The following JAG2 variants were observed in gnomAD, a reference collection of about 807,000 sequenced individuals.
JAG2 encodes the protein protein jagged-2.
In JAG2, 46 loss-of-function variants were observed where a neutral mutation model predicts 141.7. The ratio of observed to expected loss-of-function variants is 0.32; its 90% CI spans 0.26 to 0.42. The LOEUF (loss-of-function observed/expected upper bound fraction) is 0.42, where lower values mean the gene tolerates loss of function less well. Ranked by LOEUF, JAG2 falls within the 10% of genes least tolerant of loss-of-function variation. The pLI is 1.00. For synonymous variants in JAG2, 862 were observed against 763.5 expected (o/e 1.13, Z -2.13); for missense variants, 1,500 against 1,817.5 (o/e 0.83, Z 3.18).
In JAG2 at chr14:105,154,161, G is replaced by T. The variant is rs1164356776; in HGVS notation, c.788+1401C>A. Among the ~76,000 whole-genome samples the T allele has an allele frequency of 1.3e-5, 2 of 152,266 alleles. No individual in the cohort carries two copies. On this transcript the variant is annotated intron_variant, in intron 5 of 25. Transcript: ENST00000331782. This position sits in a 1 kb window ranked among gnomAD's most constrained non-coding sequence, Gnocchi z 4.4. ...CCCACCTTGGCTCCCAACTCAGCTG[G>T]TTCCCAAACTCCCCGACTCCTCTCC...
rs1888215479 is a variant in JAG2 at position 105,146,116 on chromosome 14, A to AC, written c.2710-144dup. ...GTCTGTGAGCCCCAGGGCCCAGCCC[A>AC]CCCCCTACCCAGGGCTCCCAGGGAG... On this transcript the variant is annotated intron_variant, in intron 22 of 25. Coordinates refer to ENST00000331782, the MANE Select transcript of JAG2 (RefSeq NM_002226.5). The AC allele has an allele frequency of 2.2e-6, 3 of 1,377,798 alleles. No homozygotes were observed. In the African/African-American group the frequency reaches 4.3e-5, roughly 20 times the overall value. The allele number at this position is 1,377,798 out of a possible 1,614,324, so 85.3% of individuals were successfully genotyped here. A position where few individuals can be genotyped will look rare whatever the true frequency, so the allele number is the denominator to read the frequency against.
rs751630444 is a variant in JAG2, at chr14:105,152,131, A to G, written c.919+30T>C. The G allele has an allele frequency of 9.9e-6, 16 of 1,613,392 alleles. 1 individual carries two copies. Among genetic ancestry groups the G allele is most frequent in the Non-Finnish European group, 1.4e-5 (16 of 1,180,006 alleles). ...CCCACAACCCACACTTCGATGGCAG[A>G]GCATTAGGCCTGCCGCCCCCTACCA... On this transcript the variant is annotated intron_variant, in intron 6 of 25. Transcript: ENST00000331782.
chr14:105,163,677 C>T (rs587604220), intron 2 of JAG2, among the ~76,000 whole-genome samples: 1 of 151,602 alleles, frequency 6.6e-6, no homozygotes, highest in South Asian at 2.1e-4. Context: ...AGTGACCTCA[C>T]TCAGATCTGG....
chr14:105,152,246 G>C lies in JAG2; in HGVS notation c.834C>G (p.Pro278=), dbSNP rs371312935. 8.9e-5 allele frequency: 143 copies of C among 1,613,370 alleles called. No homozygotes were observed. Among genetic ancestry groups the C allele is most frequent in the Middle Eastern group, 1.6e-4 (1 of 6,084 alleles). Residue 278 remains proline, a synonymous_variant, in exon 6 of 26, where the codon CCC becomes CCG. Transcript: ENST00000331782. ...WQGRFCDECV[P]YPGCVHGSCV... is the part of the protein sequence containing the mutation. ...AACTGCCATGCACGCAGCCGGGGTA[G>C]GGGACACACTCATCGCAGAACCTCC...
intron 3 of JAG2, 146 bp from the exon 4 acceptor site, chr14:105,156,135 G>A: frequency 9.3e-7 from 1 of 1,080,876 alleles, no homozygotes. Context: ...AGGGCCCCCG[G>A]CCAGGCTGCT....
Position 105,141,952 on chromosome 14 carries a change from G to C in JAG2, c.*743C>G, listed in dbSNP as rs2140966589. 6.5e-6 allele frequency: 1 copy of C among 152,826 alleles called. No homozygotes were observed. Among genetic ancestry groups the C allele is most frequent in the South Asian group, 2.1e-4 (1 of 4,836 alleles). 9.5% of individuals were successfully genotyped at this position (152,826 alleles called of 1,614,324 possible). A position where few individuals can be genotyped will look rare whatever the true frequency, so the allele number is the denominator to read the frequency against. ...CCAGGATGGGAGAACTGCGCAGCAG[G>C]AAGGGCACTTCTGAAAGCACAGTGG... On this transcript the variant is annotated 3_prime_UTR_variant, in exon 26 of 26. Transcript: ENST00000331782.
At chr14:105,145,588 C>A in intron 23 of JAG2, 143 bp downstream of exon 23, 1 of 1,116,242 alleles carries the variant, frequency 9.0e-7, no homozygotes, top group Non-Finnish European at 1.3e-6. Flanking sequence ...TCATCTGACC[C>A]CACAGGGCCA....
At chr14:105,143,387 G>C (rs1162578531) in intron 25 of JAG2, 95 bp downstream of exon 25, 11 of 1,448,846 alleles carry the variant, frequency 7.6e-6, no homozygotes, top group Non-Finnish European at 8.4e-6. Flanking sequence ...CTGTGTTCCT[G>C]GTGGCTGGCA....
At position 105,167,432 on chromosome 14, in the gene JAG2, C is replaced by T. The variant is rs1888950983; in HGVS notation, c.417+325G>A. On this transcript the variant is annotated intron_variant, in intron 2 of 25. Coordinates refer to ENST00000331782, the MANE Select transcript of JAG2 (RefSeq NM_002226.5). The surrounding 1 kb of genome is among the most constrained non-coding windows in gnomAD (Gnocchi z 4.8). Reference sequence around the variant, plus strand: ...ACATGCCACCGCGGCCTGCCCGGGACCGGGGCGCCTCGCCTCGCCTCCCCA... The same window carrying T: ...ACATGCCACCGCGGCCTGCCCGGGATCGGGGCGCCTCGCCTCGCCTCCCCA... Among the ~76,000 whole-genome samples the T allele has an allele frequency of 6.6e-6, 1 of 151,956 alleles. No homozygotes were observed. Among genetic ancestry groups the T allele is most frequent in the Admixed American group, 6.6e-5 (1 of 15,258 alleles).
chr14:105,145,223 G>T (rs1888187824), intron 23 of JAG2, among the ~76,000 whole-genome samples, 162 bp from the exon 24 acceptor site: 1 of 152,200 alleles, frequency 6.6e-6, no homozygotes, highest in Non-Finnish European at 1.5e-5. Context: ...CCACCCGGCT[G>T]TGCCCTATAC....
Position 105,147,383 on chromosome 14 carries a change from C to G in JAG2, c.2422G>C (p.Val808Leu), listed in dbSNP as rs757478096. 2.3e-5 allele frequency: 37 copies of G among 1,600,284 alleles called. No homozygotes were observed. In the South Asian group the frequency reaches 4.0e-4, roughly 17 times the overall value. ...GCACACTCGCAGCGGAACCAGTTGACGCCGTCAACACAGATGCCACCATTG... is the reference window on the plus strand; with the variant it reads ...GCACACTCGCAGCGGAACCAGTTGAGGCCGTCAACACAGATGCCACCATTG... Reference protein sequence around the residue: ...CYNGGICVDGVNWFRCECAPG... With the variant: ...CYNGGICVDGLNWFRCECAPG... Residue 808 changes from valine to leucine, a missense_variant, in exon 20 of 26, where the codon GTC (valine) becomes CTC (leucine). This residue lies in a region of JAG2 where 875 missense variants were observed against 1,202.2 expected (regional missense o/e 0.73). Transcript: ENST00000331782.
In JAG2 at chr14:105,142,466, T is replaced by A; in HGVS notation, c.*229A>T. On this transcript the variant is annotated 3_prime_UTR_variant, in exon 26 of 26. Transcript: ENST00000331782. ...TACAGCGAGTGCCACGCACGGAAAC[T>A]TTACAAAAATAGCAACTATCCGAGA... 3 of 553,858 alleles carry A rather than the reference T, an allele frequency of 5.4e-6. No homozygotes were observed. The highest frequency in any genetic ancestry group is 9.6e-6 in the Non-Finnish European group (3 of 312,152). The allele number at this position is 553,858 out of a possible 1,614,324, so 34.3% of individuals were successfully genotyped here.
Position 105,148,800 on chromosome 14 carries a change from C to T in JAG2, c.1965G>A (p.Val655=). The change falls in exon 15 of 26, where the codon GTG becomes GTA. Residue 655 remains valine (V), a synonymous_variant. Coordinates refer to ENST00000331782, the MANE Select transcript of JAG2 (RefSeq NM_002226.5). ...TGGGGCAGAAGCAGCGGAAGGCGTC[C>T]ACCTCATCGATGCATGTGCCCCCAT... is the stretch of plus-strand genomic sequence containing the variant. ...CRNGGTCIDE[V]DAFRCFCPSG... 6.3e-7 allele frequency: 1 copy of T among 1,598,124 alleles called. No homozygotes were observed.
rs1888515728 is a variant in JAG2, at chr14:105,154,191, C to T, written c.788+1371G>A. 6.6e-6 allele frequency among the ~76,000 whole-genome samples: 1 copy of T among 152,210 alleles called. No individual in the cohort carries two copies. The highest frequency in any genetic ancestry group is 2.4e-5 in the African/African-American group (1 of 41,450). ...CAAACTCCCCGACTCCTCTCCAAAA[C>T]GCCACGCTGTGTGACCCTGGGGAAA... On this transcript the variant is annotated intron_variant, in intron 5 of 25. Transcript: ENST00000331782. This position sits in a 1 kb window ranked among gnomAD's most constrained non-coding sequence, Gnocchi z 4.4.
chr14:105,161,597 T>C (rs1386273123), intron 2 of JAG2, among the ~76,000 whole-genome samples: 14 of 151,264 alleles, frequency 9.3e-5, no homozygotes, highest in Non-Finnish European at 2.9e-5. Context: ...TCCCTACACC[T>C]GGATGGCAGG....
At chr14:105,146,107 G>A (rs1888215248) in intron 22 of JAG2, 134 bp from the exon 23 acceptor site, 2 of 1,421,976 alleles carry the variant, frequency 1.4e-6, no homozygotes, top group Admixed American at 2.0e-5. Flanking sequence ...GAGCCCCAGG[G>A]CCCAGCCCAC....
At position 105,146,681 on chromosome 14, in the gene JAG2, C is replaced by T. The variant is rs139751287; in HGVS notation, c.2523G>A (p.Thr841=). The T allele has an allele frequency of 1.7e-4, 276 of 1,612,696 alleles. 1 individual carries two copies. The African/African-American group carries it at 2.0e-3, about 11-fold the overall frequency. The change falls in exon 21 of 26, where the codon ACG becomes ACA. Residue 841 remains threonine, a synonymous_variant. Coordinates refer to ENST00000331782, the MANE Select transcript of JAG2 (RefSeq NM_002226.5). Reference sequence around the variant, plus strand: ...GATACCCGTTGATCTCATCCACACACGTGGCCCCGTAGGCACAGGGCGAGG... The same window carrying T: ...GATACCCGTTGATCTCATCCACACATGTGGCCCCGTAGGCACAGGGCGAGG... ...CQSSPCAYGA[T]CVDEINGYRC...
At chr14:105,168,314 GC>G in intron 1 of JAG2, 40 bp downstream of exon 1, 1 of 721,056 alleles carries the variant, frequency 1.4e-6, no homozygotes, top group Non-Finnish European at 1.7e-6. Flanking sequence ...GGCCCGGTGT[GC>G]CCCGTCCGCG....
In JAG2 at chr14:105,146,533, G is replaced by A. The variant is rs587654216; in HGVS notation, c.2594-33C>T. The A allele has an allele frequency of 1.1e-5, 18 of 1,604,202 alleles. No individual in the cohort carries two copies. The South Asian group carries it at 1.7e-4, about 15-fold the overall frequency. The stretch of plus-strand genomic sequence containing the variant: ...GAGAAGGGGCTCGAGGGTCAGCAGT[G>A]GGCATCTGGCCCTCGGGGCTGGGTG... On this transcript the variant is annotated intron_variant, in intron 21 of 25. Transcript: ENST00000331782.
Sources: allele counts gnomAD v4.1 joint callset (sites outside exome capture counted in the v4.1 genomes callset), GRCh38; gene constraint gnomAD v4.1.1; regional missense constraint gnomAD v4.1.1; non-coding constraint Gnocchi (gnomAD v3.1); transcripts MANE v1.5; gene names NCBI Gene and HGNC (gene_info 2026-07-23, HGNC 2026-07-21).